Variants in RAD50 observed in about 807,000 individuals in gnomAD.
RAD50 encodes the protein RAD50 double strand break repair protein.
Under a neutral mutation model 168.8 loss-of-function variants are expected in RAD50, and 132 were observed. The observed-to-expected ratio is 0.78, with a 90% CI of 0.68 to 0.90. RAD50 has a LOEUF of 0.90. Among genes scored for constraint, RAD50 ranks in the 40% least tolerant of loss-of-function variants. The pLI, the probability that RAD50 is intolerant of heterozygous loss-of-function variation, is 0.00. For missense variants in RAD50, 1,347 were observed against 1,534.4 expected (o/e 0.88, Z 2.04); for synonymous variants, 525 against 497.4 (o/e 1.06, Z -0.74).
At chr5:132,615,762 T>C (rs990858536) in intron 19 of RAD50, among the ~76,000 whole-genome samples, 2 of 152,242 alleles carry the variant, frequency 1.3e-5, no homozygotes, top group African/African-American at 4.8e-5. Context: ...AGATTATGGT[T>C]GTGAAAGAGC....
In RAD50 at chr5:132,618,253, T is replaced by A; in HGVS notation, c.3348T>A (p.Leu1116=). The A allele has an allele frequency of 1.9e-6, 3 of 1,614,028 alleles. No homozygotes were observed. The highest frequency in any genetic ancestry group is 2.5e-6 in the Non-Finnish European group (3 of 1,179,960). ...EMMIVMRTTE[L]VNKDLDIYYK... ...TGATTGTTATGAGGACAACAGAACT[T>A]GTGAACAAGGATCTGGATATTTATT... The change falls in exon 21 of 25, where the codon CTT becomes CTA. Residue 1116 remains leucine (L), a synonymous_variant. Coordinates refer to ENST00000378823, the MANE Select transcript of RAD50 (RefSeq NM_005732.4).
Position 132,609,101 on chromosome 5 carries a change from G to T in RAD50, c.2830-16G>T. ...TAAGTACAACCAGTGTAAATTTAATGAATATTTTTCTACAGCTGAATGATA... is the reference window on the plus strand; with the variant it reads ...TAAGTACAACCAGTGTAAATTTAATTAATATTTTTCTACAGCTGAATGATA... On this transcript the variant is annotated splice_polypyrimidine_tract_variant and intron_variant, in intron 17 of 24. Transcript: ENST00000378823. 2 of 1,609,258 alleles carry T rather than the reference G, an allele frequency of 1.2e-6. No individual in the cohort carries two copies. The highest frequency in any genetic ancestry group is 2.2e-5 in the South Asian group (2 of 90,102).
At chr5:132,642,048 T>C in intron 24 of RAD50, 130 bp from the exon 25 acceptor site, 1 of 979,724 alleles carries the variant, frequency 1.0e-6, no homozygotes, top group Non-Finnish European at 1.6e-6. Context: ...CCCCTCCACT[T>C]CCTGCAGGGT....
intron 5 of RAD50, among the ~76,000 whole-genome samples, chr5:132,585,784 A>G (rs1204306951): frequency 4.6e-5 from 7 of 151,806 alleles, no homozygotes; most frequent in African/African-American, 1.7e-4. Flanking sequence ...TGTAGAGGCA[A>G]GGTCTCACCA....
intron 14 of RAD50, 120 bp downstream of exon 14, chr5:132,603,609 C>G (rs931315866): frequency 8.6e-7 from 1 of 1,161,584 alleles, no homozygotes; most frequent in African/African-American, 1.5e-5. Flanking sequence ...AATTCCCCAT[C>G]CTGAATTTCA....
intron 22 of RAD50, among the ~76,000 whole-genome samples, chr5:132,637,665 T>G (rs892404794): frequency 6.6e-6 from 1 of 152,042 alleles, no homozygotes; most frequent in African/African-American, 2.4e-5. Flanking sequence ...GAGTAGTAGC[T>G]GGAATTACAG....
At chr5:132,619,607 T>G (rs1425737463) in intron 21 of RAD50, among the ~76,000 whole-genome samples, 1 of 152,064 alleles carries the variant, frequency 6.6e-6, no homozygotes, top group Non-Finnish European at 1.5e-5. Context: ...TCTTTATCTC[T>G]TCTGCATTTC....
Position 132,589,701 on chromosome 5 carries a change from T to G in RAD50, c.1316T>G (p.Leu439Arg). 2 of 1,612,658 alleles carry G rather than the reference T, an allele frequency of 1.2e-6. No individual in the cohort carries two copies. Among genetic ancestry groups the G allele is most frequent in the Non-Finnish European group, 1.7e-6 (2 of 1,179,156 alleles). ...GAGATAAGAGATAAGAAAACTGGAC[T>G]GGGAAGAATAATTGAGTTAAAATCA... ...IDEIRDKKTG[L>R]GRIIELKSEI... Residue 439 changes from leucine (L) to arginine (R), a missense_variant, in exon 9 of 25, where the codon CTG (leucine) becomes CGG (arginine). Coordinates refer to ENST00000378823, the MANE Select transcript of RAD50 (RefSeq NM_005732.4).
At chr5:132,630,233 G>A (rs1014774849) in intron 21 of RAD50, among the ~76,000 whole-genome samples, 64 of 152,052 alleles carry the variant, frequency 4.2e-4, no homozygotes, top group Middle Eastern at 3.4e-3. Flanking sequence ...TAGTAGAGAC[G>A]GGGTTTCACC....
At chr5:132,574,093 G>C (rs1735330313) in intron 2 of RAD50, among the ~76,000 whole-genome samples, 1 of 152,188 alleles carries the variant, frequency 6.6e-6, no homozygotes, top group Non-Finnish European at 1.5e-5. Context: ...TCTTCTCACA[G>C]CTCCACTAGG....
intron 2 of RAD50, among the ~76,000 whole-genome samples, chr5:132,574,394 C>G (rs781352628): frequency 9.2e-5 from 14 of 152,300 alleles, no homozygotes; most frequent in Non-Finnish European, 1.9e-4. Context: ...GGCTGGGACA[C>G]AGGGCACCAA....
At chr5:132,597,062 A>G in intron 13 of RAD50, among the ~76,000 whole-genome samples, 1 of 152,196 alleles carries the variant, frequency 6.6e-6, no homozygotes, top group East Asian at 1.9e-4. Context: ...CTGATAGGTG[A>G]TGAGGAGCCA....
intron 9 of RAD50, 38 bp downstream of exon 9, chr5:132,589,875 A>G (rs762882712): frequency 2.0e-6 from 3 of 1,523,466 alleles, no homozygotes; most frequent in Non-Finnish European, 2.7e-6. Flanking sequence ...ATTTTAAGAT[A>G]TAATACTTTT....
At chr5:132,606,217 G>T (rs187439859) in intron 16 of RAD50, among the ~76,000 whole-genome samples, 1 of 152,062 alleles carries the variant, frequency 6.6e-6, no homozygotes, top group Non-Finnish European at 1.5e-5. Context: ...CAACAAAATA[G>T]ACCACTAGCA....
rs1229919059 is a variant in RAD50 at position 132,557,413 on chromosome 5, C to A, written c.89C>A (p.Pro30His). The A allele has an allele frequency of 6.2e-7, 1 of 1,614,182 alleles. No individual in the cohort carries two copies. ...AAGCAAATTATCACTTTCTTCAGCC[C>A]CCTTACAATTTTGGTTGGACCCAAT... Reference protein sequence around the residue: ...KDKQIITFFSPLTILVGPNGA... With the variant: ...KDKQIITFFSHLTILVGPNGA... The change falls in exon 1 of 25, where the codon CCC (proline) becomes CAC (histidine). Residue 30 changes from proline (P) to histidine (H), a missense_variant. Physicochemically the swap from Pro to His is moderately conservative, Grantham distance 77. This residue lies in a region of RAD50 where 703 missense variants were observed against 767.7 expected (regional missense o/e 0.92). Coordinates refer to ENST00000378823, the MANE Select transcript of RAD50 (RefSeq NM_005732.4).
In RAD50 at chr5:132,591,326, C is replaced by A. The variant is rs753680691; in HGVS notation, c.1555C>A (p.Arg519Ser). 6.2e-7 allele frequency: 1 copy of A among 1,613,748 alleles called. No individual in the cohort carries two copies. The highest frequency in any genetic ancestry group is 2.2e-5 in the East Asian group (1 of 44,846). ...AAAAGCAGACTTAGACAGGACCCTG[C>A]GTAAACTTGACCAGGAGATGGAGCA... ...NEKADLDRTL[R>S]KLDQEMEQLN... The change falls in exon 10 of 25, where the codon CGT becomes AGT. Residue 519 changes from arginine (R) to serine (S), a missense_variant. Physicochemically the swap from Arg to Ser is moderately radical, Grantham distance 110 (BLOSUM62 -1). Around this residue, in one of 3 missense-constraint regions of RAD50, gnomAD observed 703 missense variants for 767.7 expected, o/e 0.92. Coordinates refer to ENST00000378823, the MANE Select transcript of RAD50 (RefSeq NM_005732.4).
chr5:132,592,137 G>T, intron 11 of RAD50, 103 bp downstream of exon 11: 1 of 1,288,312 alleles, frequency 7.8e-7, no homozygotes, highest in Non-Finnish European at 1.1e-6. Context: ...ATGTTATATT[G>T]ATAAACTTTA....
At chr5:132,593,098 G>A (rs1170875859) in intron 11 of RAD50, 5 of 261,802 alleles carry the variant, frequency 1.9e-5, no homozygotes, top group African/African-American at 6.6e-5. Context: ...CTTTAATATC[G>A]TCTCATCCCT....
At chr5:132,603,579 C>A in intron 14 of RAD50, 90 bp downstream of exon 14, 1 of 1,355,546 alleles carries the variant, frequency 7.4e-7, no homozygotes, top group South Asian at 1.2e-5. Context: ...AGCTAGTATT[C>A]AGGTACAGGT....
Sources: allele counts gnomAD v4.1 joint callset (sites outside exome capture counted in the v4.1 genomes callset), GRCh38; gene constraint gnomAD v4.1.1; regional missense constraint gnomAD v4.1.1; transcripts MANE v1.5; gene names NCBI Gene and HGNC (gene_info 2026-07-23, HGNC 2026-07-21).